Variants in HDHD2 observed in about 807,000 individuals in gnomAD.
HDHD2 encodes haloacid dehalogenase-like hydrolase domain-containing protein 2.
A neutral mutation model predicts 24.8 loss-of-function variants in HDHD2; 26 were observed. The ratio of observed to expected loss-of-function variants is 1.05; its 90% confidence interval spans 0.77 to 1.45. HDHD2 has a LOEUF of 1.45. Among genes scored for constraint, HDHD2 ranks in the 40% most tolerant of loss-of-function variants. The pLI is 0.00. For synonymous variants in HDHD2, 128 were observed against 114.9 expected (o/e 1.11, Z -0.73); for missense variants, 299 against 313.4 (o/e 0.95, Z 0.35).
At chr18:47,147,565 T>C (rs1410151747) in intron 1 of HDHD2, among the ~76,000 whole-genome samples, 2 of 152,162 alleles carry the variant, frequency 1.3e-5, no homozygotes, top group Non-Finnish European at 2.9e-5. Context: ...AAACCCAGCT[T>C]TTATGGGAGA....
chr18:47,121,572 G>A (rs754603591), intron 4 of HDHD2, among the ~76,000 whole-genome samples: 3 of 152,106 alleles, frequency 2.0e-5, no homozygotes, highest in Non-Finnish European at 4.4e-5. Context: ...CATTGTATAA[G>A]CAATAGCAGG....
rs2063487683 is a variant in HDHD2 at position 47,108,005 on chromosome 18, G to A, written c.*677C>T. 1 of 152,596 alleles carries A rather than the reference G, an allele frequency of 6.6e-6. No individual in the cohort carries two copies. The highest frequency in any genetic ancestry group is 2.4e-5 in the African/African-American group (1 of 41,430). 9.5% of individuals were successfully genotyped at this position (152,596 alleles called of 1,614,324 possible). ...CTGTTACACAGTATAATAGGTATCT[G>A]CAATGAATAGGTTATTAATGGAAAT... is the stretch of plus-strand genomic sequence containing the variant. On this transcript the variant is annotated 3_prime_UTR_variant, in exon 7 of 7. Transcript: ENST00000300605.
chr18:47,136,284 T>C (rs2063765129), intron 2 of HDHD2, 55 bp downstream of exon 2: 1 of 1,605,724 alleles, frequency 6.2e-7, no homozygotes, highest in Non-Finnish European at 8.5e-7. Context: ...TGATCTGCCG[T>C]GGTAAAATGG....
rs999270129 is a variant in HDHD2 at position 47,136,413 on chromosome 18, A to G, written c.27T>C (p.Ala9=). The change falls in exon 2 of 7, where the codon GCT becomes GCC. Residue 9 remains alanine (A), a synonymous_variant. Coordinates refer to ENST00000300605, the MANE Select transcript of HDHD2 (RefSeq NM_032124.5). ...GTGTGCCACTGAGATCTACCAAAACAGCTTTTAATGCACGGCATGCTGCCA... is the reference window on the plus strand; with the variant it reads ...GTGTGCCACTGAGATCTACCAAAACGGCTTTTAATGCACGGCATGCTGCCA... The part of the protein sequence containing the change: MAACRALK[A]VLVDLSGTLH... 1.2e-6 allele frequency: 2 copies of G among 1,613,094 alleles called. No individual in the cohort carries two copies. Among genetic ancestry groups the G allele is most frequent in the Non-Finnish European group, 1.7e-6 (2 of 1,179,946 alleles).
intron 4 of HDHD2, among the ~76,000 whole-genome samples, chr18:47,124,728 A>AAAAAAAAAAAAAAAAAAAAAAAAAAAAC (rs150762794): frequency 6.7e-6 from 1 of 149,166 alleles, no homozygotes; most frequent in African/African-American, 2.5e-5. Flanking sequence ...AAAAAAAAAA[A>AAAAAAAAAAAAAAAAAAAAAAAAAAAAC]CAACTTTGAC....
chr18:47,111,838 A>C (rs759040014), intron 6 of HDHD2: 230 of 982,958 alleles, frequency 2.3e-4, no homozygotes, highest in Non-Finnish European at 2.7e-4. Context: ...TTGAACAAAC[A>C]TCATAGTCAC....
chr18:47,128,080 G>C (rs180778290), intron 4 of HDHD2, among the ~76,000 whole-genome samples: 1 of 152,282 alleles, frequency 6.6e-6, no homozygotes, highest in Admixed American at 6.5e-5. Context: ...AAATCCTTCT[G>C]TTAACTCTCC....
intron 3 of HDHD2, among the ~76,000 whole-genome samples, chr18:47,131,157 G>A (rs1293932872): frequency 6.6e-6 from 1 of 151,846 alleles, no homozygotes; most frequent in Non-Finnish European, 1.5e-5. Context: ...TTGTATTTTT[G>A]GTAGAGACGG....
Position 47,133,994 on chromosome 18 carries a change from G to C in HDHD2, c.310+502C>G, listed in dbSNP as rs564549588. ...TCTTTAGTTTAATGAGATCCCATTT[G>C]TCAATTTTGGCTTTTGCTGCCATTG... On this transcript the variant is annotated intron_variant, in intron 3 of 6. Transcript: ENST00000300605. Among the ~76,000 whole-genome samples the C allele has an allele frequency of 9.7e-4, 147 of 152,270 alleles. 1 individual carries two copies. The highest frequency in any genetic ancestry group is 3.4e-3 in the African/African-American group (141 of 41,558).
At chr18:47,126,188 G>T (rs766300430) in intron 4 of HDHD2, among the ~76,000 whole-genome samples, 2 of 152,150 alleles carry the variant, frequency 1.3e-5, no homozygotes, top group African/African-American at 4.8e-5. Flanking sequence ...TTTCAAAAAT[G>T]GGAAAAGCCC....
Position 47,134,707 on chromosome 18 carries a change from G to C in HDHD2, c.102-3C>G. 1 of 1,611,702 alleles carries C rather than the reference G, an allele frequency of 6.2e-7. No individual in the cohort carries two copies. The highest frequency in any genetic ancestry group is 8.5e-7 in the Non-Finnish European group (1 of 1,178,484). On this transcript the variant is annotated splice_polypyrimidine_tract_variant and splice_region_variant and intron_variant, in intron 2 of 6. Transcript: ENST00000300605. ...TGATTACAGAAGCACCACGTAACCT[G>C]GAGAGGGCCAAATTCAGAAGTCAAA... is the stretch of plus-strand genomic sequence containing the variant.
At chr18:47,142,234 T>A (rs1396081198) in intron 1 of HDHD2, among the ~76,000 whole-genome samples, 1 of 151,704 alleles carries the variant, frequency 6.6e-6, no homozygotes, top group African/African-American at 2.4e-5. Context: ...TAAAATAATA[T>A]GAAATTAAAG....
intron 3 of HDHD2, among the ~76,000 whole-genome samples, chr18:47,133,117 G>GTA (rs1472868661): frequency 6.6e-6 from 1 of 151,848 alleles, no homozygotes; most frequent in East Asian, 1.9e-4. Context: ...TTTACATTAG[G>GTA]TATATCTCCT....
chr18:47,109,393 C>T (rs1472794960), intron 6 of HDHD2: 2 of 152,574 alleles, frequency 1.3e-5, no homozygotes, highest in Non-Finnish European at 2.9e-5. Flanking sequence ...TGTTCTAGCA[C>T]CTGGCACACA....
intron 1 of HDHD2, among the ~76,000 whole-genome samples, chr18:47,142,833 T>C (rs184022343): frequency 3.1e-4 from 47 of 152,322 alleles, no homozygotes; most frequent in African/African-American, 1.0e-3. Context: ...TATATAGATA[T>C]TACCTTCTCT....
chr18:47,124,716 A>AC (rs939882883), intron 4 of HDHD2, among the ~76,000 whole-genome samples: 1 of 151,212 alleles, frequency 6.6e-6, no homozygotes, highest in African/African-American at 2.4e-5. Flanking sequence ...CAAAAAAAAA[A>AC]AAAAAAAAAA....
intron 6 of HDHD2, chr18:47,111,775 C>T (rs1216996771): frequency 2.0e-6 from 2 of 985,058 alleles, no homozygotes; most frequent in Non-Finnish European, 2.4e-6. Flanking sequence ...GCTCCATCTA[C>T]ATTTCTTGTT....
At chr18:47,111,087 G>A in intron 6 of HDHD2, 2 of 985,292 alleles carry the variant, frequency 2.0e-6, no homozygotes, top group Non-Finnish European at 2.4e-6. Context: ...AGAACAGTAG[G>A]GTTATTCATG....
At chr18:47,133,318 C>T (rs1009524722) in intron 3 of HDHD2, among the ~76,000 whole-genome samples, 2 of 152,192 alleles carry the variant, frequency 1.3e-5, no homozygotes, top group African/African-American at 4.8e-5. Flanking sequence ...CTACAAAGGA[C>T]ATGAACTCAT....
Sources: allele counts gnomAD v4.1 joint callset (sites outside exome capture counted in the v4.1 genomes callset), GRCh38; gene constraint gnomAD v4.1.1; transcripts MANE v1.5; gene names NCBI Gene and HGNC (gene_info 2026-07-23, HGNC 2026-07-21).